Variants in ARHGAP21 observed in about 807,000 individuals in gnomAD.
ARHGAP21 encodes the protein rho GTPase-activating protein 21.
In ARHGAP21, 38 loss-of-function variants were observed where a neutral mutation model predicts 164.6. The ratio of observed to expected loss-of-function variants is 0.23; its 90% CI spans 0.18 to 0.30. ARHGAP21 has a LOEUF of 0.30. ARHGAP21 is among the 10% of genes least tolerant of loss of function. ARHGAP21 has a pLI of 1.00. For synonymous variants in ARHGAP21, 766 were observed against 857.9 expected (o/e 0.89, Z 1.87); for missense variants, 1,822 against 2,370.7 (o/e 0.77, Z 4.81).
intron 4 of ARHGAP21, among the ~76,000 whole-genome samples, chr10:24,639,742 T>C (rs566198014): frequency 3.3e-5 from 5 of 152,272 alleles, no homozygotes; most frequent in South Asian, 2.1e-4. Flanking sequence ...TTCAAAGAGA[T>C]TGTGTCTAAA....
At chr10:24,713,284 T>C (rs1160723683) in intron 2 of ARHGAP21, among the ~76,000 whole-genome samples, 1 of 152,220 alleles carries the variant, frequency 6.6e-6, no homozygotes, top group African/African-American at 2.4e-5. Flanking sequence ...CTCCTGACTA[T>C]GCCAGAGCCC....
Position 24,619,878 on chromosome 10 carries a change from G to C in ARHGAP21, c.2017C>G (p.Pro673Ala). The change falls in exon 9 of 26, where the codon CCC becomes GCC. Residue 673 changes from proline to alanine, a missense_variant. Pro to Ala is a conservative substitution (Grantham distance 27). Around this residue, in one of 5 missense-constraint regions of ARHGAP21, gnomAD observed 1,090 missense variants for 1,378.9 expected, o/e 0.79. Transcript: ENST00000396432. ...QQTWVRTDSA[P>A]DQQVETGKSP... The stretch of plus-strand genomic sequence containing the variant: ...TTCCCAGTCTCCACTTGCTGATCGG[G>C]GGCACTGTCAGTCCTTACCCATGTC... 1 of 1,614,072 alleles carries C rather than the reference G, an allele frequency of 6.2e-7. No homozygotes were observed. Among genetic ancestry groups the C allele is most frequent in the Non-Finnish European group, 8.5e-7 (1 of 1,180,040 alleles).
intron 2 of ARHGAP21, among the ~76,000 whole-genome samples, chr10:24,679,328 T>C (rs1272885760): frequency 1.3e-5 from 2 of 152,190 alleles, no homozygotes; most frequent in Non-Finnish European, 1.5e-5. Flanking sequence ...CTTGATTACA[T>C]GGTGGAAGGG....
At chr10:24,707,658 CCCCCTAGTCA>C (rs1467902317) in intron 2 of ARHGAP21, among the ~76,000 whole-genome samples, 1 of 152,306 alleles carries the variant, frequency 6.6e-6, no homozygotes, top group Admixed American at 6.5e-5. Context: ...TACAACTCAT[CCCCCTAGTCA>C]CCCAAACAGA....
intron 6 of ARHGAP21, among the ~76,000 whole-genome samples, chr10:24,632,033 T>C (rs923995496): frequency 1.3e-5 from 2 of 152,188 alleles, no homozygotes; most frequent in Non-Finnish European, 2.9e-5. Flanking sequence ...CAAGGACACA[T>C]GTTATATTAA....
At chr10:24,700,852 C>T (rs1290526795) in intron 2 of ARHGAP21, among the ~76,000 whole-genome samples, 4 of 152,194 alleles carry the variant, frequency 2.6e-5, no homozygotes, top group African/African-American at 9.6e-5. Context: ...AATCACCTGA[C>T]GATCTTGTTA....
rs372141488 is a variant in ARHGAP21 at position 24,586,140 on chromosome 10, T to A, written c.4183-34A>T. On this transcript the variant is annotated intron_variant, in intron 25 of 25. Coordinates refer to ENST00000396432, the MANE Select transcript of ARHGAP21 (RefSeq NM_020824.4). ...CAAGAGAGAAGAAAGACTCTGAGCATAAGAATGCAGCTGAGTTCATTTTCT... is the reference window on the plus strand; with the variant it reads ...CAAGAGAGAAGAAAGACTCTGAGCAAAAGAATGCAGCTGAGTTCATTTTCT... The A allele has an allele frequency of 2.6e-6, 4 of 1,530,500 alleles. No homozygotes were observed. The South Asian group carries it at 3.9e-5, about 15-fold the overall frequency. The allele number at this position is 1,530,500 out of a possible 1,614,324, so 94.8% of individuals were successfully genotyped here.
At chr10:24,614,749 C>T (rs1013286067) in intron 9 of ARHGAP21, among the ~76,000 whole-genome samples, 7 of 148,606 alleles carry the variant, frequency 4.7e-5, no homozygotes, top group African/African-American at 1.8e-4. Context: ...TGCCACTGCA[C>T]TCCAGGCTGG....
At chr10:24,604,510 T>C (rs939243719) in intron 11 of ARHGAP21, among the ~76,000 whole-genome samples, 162 bp from the exon 12 acceptor site, 2 of 152,218 alleles carry the variant, frequency 1.3e-5, no homozygotes, top group African/African-American at 4.8e-5. Flanking sequence ...AAAAAGCTAA[T>C]TTTATAAAAA....
At chr10:24,652,728 C>A (rs140494751) in intron 4 of ARHGAP21, among the ~76,000 whole-genome samples, 1 of 152,288 alleles carries the variant, frequency 6.6e-6, no homozygotes, top group East Asian at 1.9e-4. Context: ...CACTGTACAT[C>A]CACTAGGATG....
At chr10:24,607,412 C>G in intron 11 of ARHGAP21, 87 bp downstream of exon 11, 3 of 1,060,636 alleles carry the variant, frequency 2.8e-6, no homozygotes, top group Non-Finnish European at 4.2e-6. Flanking sequence ...AAACATAAGA[C>G]ATCATTAAAT....
At chr10:24,645,668 T>G (rs976282549) in intron 4 of ARHGAP21, among the ~76,000 whole-genome samples, 4 of 151,944 alleles carry the variant, frequency 2.6e-5, no homozygotes, top group African/African-American at 9.7e-5. Context: ...TAAAGGTACA[T>G]GAAATTGTTG....
chr10:24,630,596 A>G (rs1378886281), intron 6 of ARHGAP21, among the ~76,000 whole-genome samples: 1 of 152,084 alleles, frequency 6.6e-6, no homozygotes, highest in Non-Finnish European at 1.5e-5. Context: ...GGTCTAAGCC[A>G]TTCTCATGCC....
At position 24,712,735 on chromosome 10, in the gene ARHGAP21, TA is replaced by T. The variant is rs954156448; in HGVS notation, c.63+9101del. Among the ~76,000 whole-genome samples the T allele has an allele frequency of 4.3e-4, 65 of 150,876 alleles. 1 individual carries two copies. The highest frequency in any genetic ancestry group is 4.9e-4 in the Non-Finnish European group (33 of 67,624). On this transcript the variant is annotated intron_variant, in intron 2 of 25. Transcript: ENST00000396432. ...AAAGAAGGGTGTCTATATGATTAAA[TA>T]AAAAAAAAGTAAACAAAAACAATTT...
At chr10:24,667,738 T>C (rs1267983402) in intron 3 of ARHGAP21, among the ~76,000 whole-genome samples, 1 of 152,090 alleles carries the variant, frequency 6.6e-6, no homozygotes, top group East Asian at 1.9e-4. Context: ...TTTTGACCTT[T>C]ATTTTGGCTG....
Position 24,620,333 on chromosome 10 carries a change from T to C in ARHGAP21, c.1562A>G (p.Glu521Gly). The C allele has an allele frequency of 1.9e-6, 3 of 1,613,992 alleles. No homozygotes were observed. Among genetic ancestry groups the C allele is most frequent in the Non-Finnish European group, 2.5e-6 (3 of 1,179,884 alleles). Residue 521 changes from glutamate (E) to glycine (G), a missense_variant, in exon 9 of 26, where the codon GAG (glutamate) becomes GGG (glycine). By Grantham distance (98) the Glu-to-Gly change is moderately conservative. Coordinates refer to ENST00000396432, the MANE Select transcript of ARHGAP21 (RefSeq NM_020824.4). Reference protein sequence around the residue: ...SGTPIPDSNGEKKQTYKWSGF... With the variant: ...SGTPIPDSNGGKKQTYKWSGF... ...ACTCCACTTGTAAGTCTGTTTTTTCTCTCCATTGGAATCAGGTATTGGAGT... is the reference window on the plus strand; with the variant it reads ...ACTCCACTTGTAAGTCTGTTTTTTCCCTCCATTGGAATCAGGTATTGGAGT...
chr10:24,665,485 A>T (rs1475097072), intron 4 of ARHGAP21, among the ~76,000 whole-genome samples: 1 of 152,206 alleles, frequency 6.6e-6, no homozygotes, highest in African/African-American at 2.4e-5. Flanking sequence ...GAAGGTCAAA[A>T]ATATTATGCC....
chr10:24,687,847 G>A (rs1309852006), intron 2 of ARHGAP21, among the ~76,000 whole-genome samples: 1 of 152,138 alleles, frequency 6.6e-6, no homozygotes, highest in Non-Finnish European at 1.5e-5. Context: ...GCTACAGACG[G>A]TCAGACACAT....
At chr10:24,689,961 T>C (rs1842614648) in intron 2 of ARHGAP21, among the ~76,000 whole-genome samples, 1 of 149,954 alleles carries the variant, frequency 6.7e-6, no homozygotes, top group Admixed American at 6.7e-5. Flanking sequence ...TGTGTGTGTG[T>C]GTGTATATAC....
Sources: gnomAD v4.1 joint callset for allele counts (sites outside exome capture counted in the v4.1 genomes callset) on GRCh38, gnomAD v4.1.1 for gene constraint, gnomAD v4.1.1 regional missense constraint, MANE v1.5 for transcripts, NCBI Gene and HGNC (gene_info 2026-07-23, HGNC 2026-07-21) for gene names.